TAFA2: variants seen among roughly 807,000 people sequenced by gnomAD.
TAFA2 encodes TAFA chemokine like family member 2.
In TAFA2, 7 loss-of-function variants were observed where a neutral mutation model predicts 18.8. The ratio of observed to expected loss-of-function variants is 0.37; its 90% CI spans 0.21 to 0.70. The LOEUF (loss-of-function observed/expected upper bound fraction) is 0.70, where lower values mean the gene tolerates loss of function less well. Ranked by LOEUF, TAFA2 falls within the 30% of genes least tolerant of loss-of-function variation. The pLI is 0.53. For missense variants in TAFA2, 122 were observed against 158.1 expected, an observed-to-expected ratio of 0.77 and a Z score of 1.23; for synonymous variants, 60 against 54.2, an observed-to-expected ratio of 1.11 and a Z score of -0.47.
chr12:62,104,150 A>G (rs1256570942), intron 1 of TAFA2, among the ~76,000 whole-genome samples: 2 of 152,202 alleles, frequency 1.3e-5, no homozygotes, highest in East Asian at 3.8e-4. Context: ...AATTAGCCTA[A>G]ATATAGCTTG....
At chr12:62,181,995 C>G (rs562030208) in intron 1 of TAFA2, among the ~76,000 whole-genome samples, 25 of 149,476 alleles carry the variant, frequency 1.7e-4, no homozygotes, top group East Asian at 7.8e-4. Flanking sequence ...GTCCATCCCC[C>G]CCCCGCTACA....
intron 1 of TAFA2, among the ~76,000 whole-genome samples, chr12:62,121,176 C>T (rs1870179756): frequency 6.6e-6 from 1 of 152,144 alleles, no homozygotes; most frequent in African/African-American, 2.4e-5. Context: ...GTATCACATT[C>T]CCTATGAATC....
At chr12:61,907,630 C>T (rs1382832917) in intron 1 of TAFA2, among the ~76,000 whole-genome samples, 2 of 152,154 alleles carry the variant, frequency 1.3e-5, no homozygotes, top group Non-Finnish European at 2.9e-5. Context: ...TGAGACACTG[C>T]CTTGTGGATC....
chr12:61,948,090 C>A (rs1304683703), intron 1 of TAFA2, among the ~76,000 whole-genome samples: 1 of 151,724 alleles, frequency 6.6e-6, no homozygotes, highest in African/African-American at 2.4e-5. Context: ...AAGTTTCTTT[C>A]ATTTAATCTA....
At chr12:62,158,127 T>G (rs545183380) in intron 1 of TAFA2, among the ~76,000 whole-genome samples, 8 of 152,350 alleles carry the variant, frequency 5.3e-5, no homozygotes, top group Admixed American at 2.6e-4. Context: ...ATAAATTCTT[T>G]AAACCACAAT....
intron 2 of TAFA2, among the ~76,000 whole-genome samples, chr12:61,792,687 T>C (rs1871032382): frequency 6.6e-6 from 1 of 151,044 alleles, no homozygotes; most frequent in Non-Finnish European, 1.5e-5. Context: ...TTAACAGAGA[T>C]GAAAATAAAA....
intron 1 of TAFA2, among the ~76,000 whole-genome samples, chr12:61,961,655 T>C (rs1211658080): frequency 1.3e-5 from 2 of 152,004 alleles, no homozygotes; most frequent in Non-Finnish European, 2.9e-5. Flanking sequence ...CGAACAGGAA[T>C]TCACAACAGA....
At chr12:62,203,732 G>A (rs986453496) in intron 1 of TAFA2, among the ~76,000 whole-genome samples, 12 of 152,042 alleles carry the variant, frequency 7.9e-5, no homozygotes, top group Middle Eastern at 3.2e-3. Context: ...GTGTGTCTTC[G>A]CCCATGAGCT....
intron 1 of TAFA2, among the ~76,000 whole-genome samples, chr12:62,051,745 T>C (rs1882060436): frequency 6.6e-6 from 1 of 151,750 alleles, no homozygotes; most frequent in Non-Finnish European, 1.5e-5. Flanking sequence ...CCTGATTCAC[T>C]GGGGGCACTA....
chr12:61,989,647 T>G (rs1879933839), intron 1 of TAFA2, among the ~76,000 whole-genome samples: 1 of 152,002 alleles, frequency 6.6e-6, no homozygotes, highest in African/African-American at 2.4e-5. Flanking sequence ...TGCCACTTCT[T>G]CCCCCACTCC....
chr12:61,931,259 C>T (rs1291339295), intron 1 of TAFA2, among the ~76,000 whole-genome samples: 1 of 152,144 alleles, frequency 6.6e-6, no homozygotes, highest in Non-Finnish European at 1.5e-5. Flanking sequence ...CTGCTATGAG[C>T]ACCCAAAAAT....
chr12:62,250,652 A>C (rs2062908794), intron 1 of TAFA2, among the ~76,000 whole-genome samples: 1 of 152,038 alleles, frequency 6.6e-6, no homozygotes, highest in Non-Finnish European at 1.5e-5. Flanking sequence ...ACTCCTATTA[A>C]ACATGTTGGG....
chr12:62,005,434 A>C (rs1880514705), intron 1 of TAFA2, among the ~76,000 whole-genome samples: 1 of 152,138 alleles, frequency 6.6e-6, no homozygotes, highest in Admixed American at 6.5e-5. Context: ...TTGTGACTTC[A>C]GAATACAGAT....
chr12:62,082,747 C>A (rs1204289067), intron 1 of TAFA2, among the ~76,000 whole-genome samples: 2 of 152,122 alleles, frequency 1.3e-5, no homozygotes, highest in African/African-American at 4.8e-5. Flanking sequence ...GAAATAATAA[C>A]CAGTCACCAA....
At chr12:61,818,608 G>A (rs1279713615) in intron 2 of TAFA2, among the ~76,000 whole-genome samples, 1 of 151,930 alleles carries the variant, frequency 6.6e-6, no homozygotes, top group Admixed American at 6.6e-5. Flanking sequence ...AGGTGGTAAT[G>A]GAACTCTGGA....
At chr12:62,257,796 T>C (rs1417125064) in intron 1 of TAFA2, among the ~76,000 whole-genome samples, 1 of 152,220 alleles carries the variant, frequency 6.6e-6, no homozygotes, top group Non-Finnish European at 1.5e-5. Context: ...TATTCAATTA[T>C]TGGTGATTAA....
intron 1 of TAFA2, among the ~76,000 whole-genome samples, chr12:62,219,090 A>C (rs1201011783): frequency 6.6e-6 from 1 of 152,174 alleles, no homozygotes; most frequent in East Asian, 1.9e-4. Flanking sequence ...ATTTAGTGGG[A>C]AAACATTTTT....
At chr12:62,053,436 G>C (rs561266407) in intron 1 of TAFA2, among the ~76,000 whole-genome samples, 5 of 152,076 alleles carry the variant, frequency 3.3e-5, no homozygotes, top group Non-Finnish European at 7.4e-5. Flanking sequence ...AACTAACATA[G>C]AGAGTATGTA....
intron 4 of TAFA2, chr12:61,720,700 C>T: frequency 2.8e-6 from 1 of 360,816 alleles, no homozygotes; most frequent in Non-Finnish European, 5.5e-6. Context: ...CTGCTTTAAA[C>T]CAAGACGGGA....
Sources: gnomAD v4.1 joint callset for allele counts (sites outside exome capture counted in the v4.1 genomes callset) on GRCh38, gnomAD v4.1.1 for gene constraint, MANE v1.5 for transcripts, NCBI Gene and HGNC (gene_info 2026-07-23, HGNC 2026-07-21) for gene names.